The following WWOX variants were observed in gnomAD, a reference collection of about 807,000 sequenced individuals.
The protein encoded by WWOX is WW domain containing oxidoreductase, also known as WW domain-containing oxidoreductase.
In WWOX, 69 loss-of-function variants were observed where a neutral mutation model predicts 46.2. The observed-to-expected ratio is 1.49, with a 90% CI of 1.23 to 1.82. The LOEUF is 1.82. WWOX is among the 40% of genes most tolerant of loss of function. The pLI, the probability that WWOX is intolerant of heterozygous loss-of-function variation, is 0.00. For missense variants in WWOX, 919 were observed against 542.6 expected, an observed-to-expected ratio of 1.69 and a Z score of -6.89; for synonymous variants, 359 against 202.6, an observed-to-expected ratio of 1.77 and a Z score of -6.56.
At chr16:78,856,293 C>T (rs935206908) in intron 8 of WWOX, among the ~76,000 whole-genome samples, 8 of 152,094 alleles carry the variant, frequency 5.3e-5, no homozygotes, top group African/African-American at 1.2e-4. Flanking sequence ...GTAGGGGCAC[C>T]GAAAGCTTTA....
intron 8 of WWOX, among the ~76,000 whole-genome samples, chr16:78,573,701 G>A (rs2044776085): frequency 6.6e-6 from 1 of 152,196 alleles, no homozygotes; most frequent in African/African-American, 2.4e-5. Context: ...CAGGAATGCT[G>A]CACTGAACCA....
chr16:78,565,485 G>A (rs1044073466), intron 8 of WWOX, among the ~76,000 whole-genome samples: 14 of 152,046 alleles, frequency 9.2e-5, no homozygotes, highest in South Asian at 4.2e-4. Context: ...TTCCTCTTCC[G>A]TTGTCCCATC....
chr16:78,545,143 T>C (rs1351322327), intron 8 of WWOX, among the ~76,000 whole-genome samples: 1 of 152,194 alleles, frequency 6.6e-6, no homozygotes, highest in East Asian at 1.9e-4. Flanking sequence ...CTCAGCACTT[T>C]AGGACTGACT....
At chr16:78,607,312 T>C (rs1040684607) in intron 8 of WWOX, among the ~76,000 whole-genome samples, 3 of 152,196 alleles carry the variant, frequency 2.0e-5, no homozygotes, top group Admixed American at 6.5e-5. Flanking sequence ...TCGGGGCTCC[T>C]GTGAGTACGT....
At chr16:78,427,874 C>T (rs555654996) in intron 7 of WWOX, among the ~76,000 whole-genome samples, 45 of 152,270 alleles carry the variant, frequency 3.0e-4, no homozygotes, top group Admixed American at 2.0e-3. Context: ...TCGAGATCAG[C>T]CTAGCCAGCA....
chr16:78,335,153 G>C (rs140391662), intron 5 of WWOX, among the ~76,000 whole-genome samples: 1 of 152,248 alleles, frequency 6.6e-6, no homozygotes, highest in Non-Finnish European at 1.5e-5. Flanking sequence ...TAAGTTCCAG[G>C]GTACATGTGT....
chr16:78,227,960 A>G (rs368827855), intron 5 of WWOX, among the ~76,000 whole-genome samples: 4 of 152,222 alleles, frequency 2.6e-5, no homozygotes, highest in Non-Finnish European at 5.9e-5. Flanking sequence ...AGGCTTATTT[A>G]TATTCCATTT....
chr16:79,015,985 G>A (rs1567487053), intron 8 of WWOX, among the ~76,000 whole-genome samples: 1 of 152,112 alleles, frequency 6.6e-6, no homozygotes, highest in Admixed American at 6.6e-5. Flanking sequence ...TCTTGACCTC[G>A]TGATCTGCCC....
chr16:78,542,321 C>G (rs1324223895), intron 8 of WWOX, among the ~76,000 whole-genome samples: 3 of 151,942 alleles, frequency 2.0e-5, no homozygotes, highest in Non-Finnish European at 4.4e-5. Flanking sequence ...CATGATGTAC[C>G]CTGTGTTCTG....
At chr16:78,840,850 C>A (rs1297377553) in intron 8 of WWOX, among the ~76,000 whole-genome samples, 1 of 151,944 alleles carries the variant, frequency 6.6e-6, no homozygotes, top group Non-Finnish European at 1.5e-5. Context: ...GGTAATCCCC[C>A]AGGGGATGCC....
At chr16:78,104,797 T>C (rs1277855868) in intron 1 of WWOX, among the ~76,000 whole-genome samples, 1 of 152,234 alleles carries the variant, frequency 6.6e-6, no homozygotes, top group Non-Finnish European at 1.5e-5. Flanking sequence ...AAGTCTTCTA[T>C]TGAAAGGTAC....
intron 8 of WWOX, among the ~76,000 whole-genome samples, chr16:79,174,902 A>G (rs1211710755): frequency 6.6e-6 from 1 of 152,196 alleles, no homozygotes; most frequent in African/African-American, 2.4e-5. Context: ...AATGGTTGTC[A>G]TTTTGCAAAA....
intron 8 of WWOX, among the ~76,000 whole-genome samples, chr16:79,143,400 T>A (rs931059913): frequency 6.6e-6 from 1 of 152,206 alleles, no homozygotes; most frequent in Non-Finnish European, 1.5e-5. Flanking sequence ...AGATCAATCA[T>A]TGTAACAGCT....
chr16:78,102,362 G>C (rs2031854319), intron 1 of WWOX, among the ~76,000 whole-genome samples: 1 of 152,230 alleles, frequency 6.6e-6, no homozygotes, highest in African/African-American at 2.4e-5. Context: ...AGGCAGGGAA[G>C]GGAGGACCCA....
intron 8 of WWOX, chr16:79,017,341 AAT>A (rs2047435784): frequency 6.9e-6 from 1 of 145,584 alleles, no homozygotes; most frequent in Non-Finnish European, 1.5e-5. Context: ...GAAGCAGGAG[AAT>A]AGCGTGAACC....
At chr16:78,901,809 A>G (rs73581219) in intron 8 of WWOX, among the ~76,000 whole-genome samples, 6,457 of 152,256 alleles carry the variant, frequency 0.042, 479 homozygotes, top group African/African-American at 0.15. Flanking sequence ...TGTTCTAAAC[A>G]CTGGTGTACA....
intron 8 of WWOX, among the ~76,000 whole-genome samples, chr16:78,527,381 C>T (rs962489973): frequency 2.0e-5 from 3 of 150,964 alleles, no homozygotes; most frequent in Non-Finnish European, 4.4e-5. Context: ...GCCACCTCTG[C>T]CTCCTGTAAT....
chr16:78,783,973 G>T lies in WWOX; in HGVS notation c.1056+351221G>T, dbSNP rs557126003. 2.0e-5 allele frequency among the ~76,000 whole-genome samples: 3 copies of T among 152,148 alleles called. No individual in the cohort carries two copies. The South Asian group carries it at 6.2e-4, about 32-fold the overall frequency. ...TGGTGATGGTGATGCTGGTGATGATGATAATGATAGTGGTGATAATGTTGG... is the reference window on the plus strand; with the variant it reads ...TGGTGATGGTGATGCTGGTGATGATTATAATGATAGTGGTGATAATGTTGG... On this transcript the variant is annotated intron_variant, in intron 8 of 8. Transcript: ENST00000566780.
intron 8 of WWOX, among the ~76,000 whole-genome samples, chr16:78,903,675 C>T (rs1374639113): frequency 1.3e-5 from 2 of 152,178 alleles, no homozygotes; most frequent in South Asian, 2.1e-4. Flanking sequence ...TATTCCCCAG[C>T]CTCACTTTGA....
Sources: gnomAD v4.1 joint callset for allele counts (sites outside exome capture counted in the v4.1 genomes callset) on GRCh38, gnomAD v4.1.1 for gene constraint, MANE v1.5 for transcripts, NCBI Gene and HGNC (gene_info 2026-07-23, HGNC 2026-07-21) for gene names.